The following NIPBL variants were observed in gnomAD, a reference collection of about 807,000 sequenced individuals.
NIPBL encodes nipped-B-like protein.
Under a neutral mutation model 321.8 loss-of-function variants are expected in NIPBL, and 19 were observed. The ratio of observed to expected loss-of-function variants is 0.06; its 90% confidence interval spans 0.04 to 0.09. NIPBL has a LOEUF of 0.09. Ranked by LOEUF, NIPBL falls within the 10% of genes least tolerant of loss-of-function variation. The pLI, the probability that NIPBL is intolerant of heterozygous loss-of-function variation, is 1.00. For synonymous variants in NIPBL, 1,106 were observed against 1,114.1 expected (o/e 0.99, Z 0.14); for missense variants, 2,210 against 3,327.0 (o/e 0.66, Z 8.26).
chr5:36,892,101 A>G (rs1746374476), intron 1 of NIPBL, among the ~76,000 whole-genome samples: 1 of 152,182 alleles, frequency 6.6e-6, no homozygotes, highest in African/African-American at 2.4e-5. Context: ...AAATTGTACT[A>G]ATGATTATTT....
intron 21 of NIPBL, among the ~76,000 whole-genome samples, chr5:37,013,202 G>T (rs1420102691): frequency 6.6e-6 from 1 of 151,404 alleles, no homozygotes; most frequent in East Asian, 2.0e-4. Flanking sequence ...GGACGGGGCG[G>T]CTGGCCGGGC....
At chr5:37,045,963 G>A (rs1752937782) in intron 37 of NIPBL, 146 bp from the exon 38 acceptor site, 1 of 613,864 alleles carries the variant, frequency 1.6e-6, no homozygotes, top group Non-Finnish European at 2.9e-6. Context: ...GAATGCCACT[G>A]TTCTAAAATA....
At position 36,958,146 on chromosome 5, in the gene NIPBL, C is replaced by T. The variant is rs1269255544; in HGVS notation, c.273C>T (p.Asp91=). The T allele has an allele frequency of 1.2e-6, 2 of 1,613,902 alleles. No individual in the cohort carries two copies. Among genetic ancestry groups the T allele is most frequent in the East Asian group, 2.2e-5 (1 of 44,900 alleles). The change falls in exon 4 of 47, where the codon GAC becomes GAT. Residue 91 remains aspartate, a synonymous_variant. Coordinates refer to ENST00000282516, the MANE Select transcript of NIPBL (RefSeq NM_133433.4). ...DNLGSDDPEG[D]IPVLLQAVLA... ...TTGGCAGTGATGACCCAGAAGGTGA[C>T]ATACCAGTCTTGTTGCAGGCCGTCC...
Position 37,014,750 on chromosome 5 carries a change from C to A in NIPBL, c.4628C>A (p.Ser1543Tyr). Residue 1543 changes from serine (S) to tyrosine (Y), a missense_variant, in exon 22 of 47, where the codon TCC becomes TAC. By Grantham distance (144) the Ser-to-Tyr change is moderately radical. Coordinates refer to ENST00000282516, the MANE Select transcript of NIPBL (RefSeq NM_133433.4). ...TAMRTAQNFL[S>Y]IFLKKCGSKQ... is the part of the protein sequence containing the mutation. ...ATGCGAACAGCCCAAAACTTCCTCT[C>A]CATCTTCCTTAAAAAGTGAGTAAAA... is the stretch of plus-strand genomic sequence containing the variant. 1 of 1,595,152 alleles carries A rather than the reference C, an allele frequency of 6.3e-7. No individual in the cohort carries two copies. Among genetic ancestry groups the A allele is most frequent in the Non-Finnish European group, 8.6e-7 (1 of 1,162,890 alleles).
intron 1 of NIPBL, among the ~76,000 whole-genome samples, chr5:36,884,442 A>G (rs547032559): frequency 4.7e-4 from 71 of 152,300 alleles, no homozygotes; most frequent in African/African-American, 1.6e-3. Flanking sequence ...ATGTCAGCTC[A>G]AGGACCAGAA....
chr5:36,904,313 T>C (rs983268311), intron 1 of NIPBL, among the ~76,000 whole-genome samples: 1 of 152,018 alleles, frequency 6.6e-6, no homozygotes, highest in Non-Finnish European at 1.5e-5. Flanking sequence ...TGCTAAAAAT[T>C]CAAAAAATTA....
At chr5:36,963,666 G>A (rs759170450) in intron 6 of NIPBL, among the ~76,000 whole-genome samples, 1 of 151,992 alleles carries the variant, frequency 6.6e-6, no homozygotes, top group South Asian at 2.1e-4. Flanking sequence ...GCCAGGCATG[G>A]TGGCATTTAC....
chr5:36,946,435 C>G (rs994833275), intron 1 of NIPBL, among the ~76,000 whole-genome samples: 2 of 151,980 alleles, frequency 1.3e-5, no homozygotes, highest in Non-Finnish European at 1.5e-5. Flanking sequence ...GTAGCTGTTT[C>G]CTGTATTTGC....
intron 32 of NIPBL, among the ~76,000 whole-genome samples, chr5:37,031,900 C>T (rs968079312): frequency 1.3e-5 from 2 of 152,078 alleles, no homozygotes; most frequent in Non-Finnish European, 2.9e-5. Context: ...AGAGGTAAAA[C>T]TAATCTATAC....
intron 21 of NIPBL, among the ~76,000 whole-genome samples, chr5:37,014,209 G>GA (rs1286925088): frequency 6.6e-6 from 1 of 151,974 alleles, no homozygotes; most frequent in East Asian, 1.9e-4. Flanking sequence ...AAGAGAGGGA[G>GA]AGGGAGACCG....
intron 2 of NIPBL, among the ~76,000 whole-genome samples, chr5:36,954,164 T>C (rs1296778338): frequency 6.6e-6 from 1 of 152,180 alleles, no homozygotes; most frequent in Non-Finnish European, 1.5e-5. Flanking sequence ...TTAGTTACTG[T>C]GTCATCCTAC....
chr5:37,030,210 G>T (rs1173550241), intron 32 of NIPBL, among the ~76,000 whole-genome samples: 1 of 152,006 alleles, frequency 6.6e-6, no homozygotes, highest in Non-Finnish European at 1.5e-5. Context: ...TTATTCTCTA[G>T]TCCCATTTAT....
chr5:36,925,201 T>C (rs909175067), intron 1 of NIPBL, among the ~76,000 whole-genome samples: 6 of 152,272 alleles, frequency 3.9e-5, no homozygotes, highest in African/African-American at 1.4e-4. Flanking sequence ...AACACTCTTT[T>C]CTAGTATATC....
At chr5:36,880,649 G>A (rs149193855) in intron 1 of NIPBL, among the ~76,000 whole-genome samples, 310 of 152,120 alleles carry the variant, frequency 2.0e-3, no homozygotes, top group Non-Finnish European at 2.2e-3. Context: ...TATCCTGAGC[G>A]TACTAGGTTA....
chr5:36,887,394 A>G (rs1216108430), intron 1 of NIPBL, among the ~76,000 whole-genome samples: 1 of 152,224 alleles, frequency 6.6e-6, no homozygotes, highest in African/African-American at 2.4e-5. Context: ...ATTATAGTGA[A>G]TAACAGTCAC....
rs1456613763 is a variant in NIPBL, at chr5:36,985,425, C to G, written c.2245C>G (p.Gln749Glu). 7 of 1,613,200 alleles carry G rather than the reference C, an allele frequency of 4.3e-6. No homozygotes were observed. Among genetic ancestry groups the G allele is most frequent in the Non-Finnish European group, 5.9e-6 (7 of 1,179,854 alleles). ...TGAGAGCCGCCCTGAAACTCCAAAG[C>G]AAAAAAATGAAGGGCGACCTGAAAC... is the stretch of plus-strand genomic sequence containing the variant. ...KGESRPETPK[Q>E]KNEGRPETPK... Residue 749 changes from glutamine (Q) to glutamate (E), a missense_variant, in exon 10 of 47, where the codon CAA becomes GAA. Physicochemically the swap from Gln to Glu is conservative, Grantham distance 29 (BLOSUM62 2). Transcript: ENST00000282516.
chr5:37,006,253 A>T (rs912918437), intron 16 of NIPBL, 104 bp from the exon 17 acceptor site: 24 of 726,636 alleles, frequency 3.3e-5, no homozygotes, highest in Non-Finnish European at 5.4e-5. Flanking sequence ...ATTAACACAC[A>T]TCATAACACT....
rs60067315 is a variant in NIPBL, at chr5:36,952,018, CTGTGTGTG to C, written c.-79-1571_-79-1564del. ...ATGCTTACTTTATAACTCTGTTAAACTGTGTGTGTGTGTGTGTGTGTGTGTGTGTGTGT... is the reference window on the plus strand; with the variant it reads ...ATGCTTACTTTATAACTCTGTTAAACTGTGTGTGTGTGTGTGTGTGTGTGT... On this transcript the variant is annotated intron_variant, in intron 1 of 46. Transcript: ENST00000282516. Among the ~76,000 whole-genome samples, 113 of 101,958 alleles carry C rather than the reference CTGTGTGTG, an allele frequency of 1.1e-3. 1 individual carries two copies. Among genetic ancestry groups the C allele is most frequent in the East Asian group, 3.1e-3 (8 of 2,586 alleles). The allele number at this position is 101,958 out of a possible 152,430, so 66.9% of individuals were successfully genotyped here.
At chr5:36,926,543 G>A (rs1339544750) in intron 1 of NIPBL, among the ~76,000 whole-genome samples, 1 of 152,020 alleles carries the variant, frequency 6.6e-6, no homozygotes, top group Non-Finnish European at 1.5e-5. Flanking sequence ...AGTGGATCAG[G>A]GTTTCCAAAA....
Sources: allele counts gnomAD v4.1 joint callset (sites outside exome capture counted in the v4.1 genomes callset), GRCh38; gene constraint gnomAD v4.1.1; transcripts MANE v1.5; gene names NCBI Gene and HGNC (gene_info 2026-07-23, HGNC 2026-07-21).